Variants in SPEF2 observed in about 807,000 individuals in gnomAD.
SPEF2 encodes sperm flagellar and cilia associated 2.
In SPEF2, 187 loss-of-function variants were observed where a neutral mutation model predicts 224.6. That is an observed-to-expected ratio of 0.83 (90% CI 0.74 to 0.94). The LOEUF (loss-of-function observed/expected upper bound fraction) is 0.94. Among genes scored for constraint, SPEF2 ranks in the 40% least tolerant of loss-of-function variants. The probability of loss-of-function intolerance (pLI) is 0.00; values close to 1 mark genes in which losing one functional copy is unlikely to be tolerated. For synonymous variants in SPEF2, 715 were observed against 707.3 expected (o/e 1.01, Z -0.17); for missense variants, 2,170 against 2,135.6 (o/e 1.02, Z -0.32).
chr5:35,628,419 C>A, intron 1 of SPEF2, 41 bp from the exon 2 acceptor site: 1 of 1,344,362 alleles, frequency 7.4e-7, no homozygotes, highest in Non-Finnish European at 1.1e-6. Context: ...CTATGCGCAA[C>A]ATTGTATTCA....
Position 35,641,700 on chromosome 5 carries a change from G to T in SPEF2, c.414+17G>T, listed in dbSNP as rs773303166. On this transcript the variant is annotated intron_variant, in intron 3 of 36. Coordinates refer to ENST00000356031, the MANE Select transcript of SPEF2 (RefSeq NM_024867.4). ...TTTCAAGAGGTAGGTACATAAAAAA[G>T]CATAATAAGCATGTCACAGTGTAAA... 1.2e-6 allele frequency: 2 copies of T among 1,600,392 alleles called. No homozygotes were observed. Among genetic ancestry groups the T allele is most frequent in the South Asian group, 2.3e-5 (2 of 88,114 alleles).
chr5:35,755,144 G>A lies in SPEF2; in HGVS notation c.3468+1383G>A, dbSNP rs77981000. On this transcript the variant is annotated intron_variant, in intron 24 of 36. Coordinates refer to ENST00000356031, the MANE Select transcript of SPEF2 (RefSeq NM_024867.4). ...GGAATCTGGATTGTAAAGAGAAGAT[G>A]GAGTTAGAAAGATGTCATCCAAAGC... 1.7e-3 allele frequency among the ~76,000 whole-genome samples: 255 copies of A among 152,324 alleles called. 6 individuals are homozygous for A. The East Asian group carries it at 0.046, about 28-fold the overall frequency.
intron 23 of SPEF2, among the ~76,000 whole-genome samples, chr5:35,744,249 T>C (rs1305972902): frequency 2.6e-5 from 4 of 152,220 alleles, no homozygotes; most frequent in Non-Finnish European, 5.9e-5. Flanking sequence ...AATGATTTAG[T>C]CTGCATGATC....
In SPEF2 at chr5:35,761,758, T is replaced by C. The variant is rs552250319; in HGVS notation, c.3621-1764T>C. Among the ~76,000 whole-genome samples the C allele has an allele frequency of 2.0e-4, 30 of 151,860 alleles. 1 individual carries two copies. Among genetic ancestry groups the C allele is most frequent in the African/African-American group, 7.0e-4 (29 of 41,400 alleles). On this transcript the variant is annotated intron_variant, in intron 25 of 36. Coordinates refer to ENST00000356031, the MANE Select transcript of SPEF2 (RefSeq NM_024867.4). The stretch of plus-strand genomic sequence containing the variant: ...AGAGGCCAAATTTCAATGTCGAGAG[T>C]GGCAGTACATTCTGTTCTCAGCACA...
chr5:35,755,677 T>C (rs1750331925), intron 24 of SPEF2, among the ~76,000 whole-genome samples: 1 of 152,186 alleles, frequency 6.6e-6, no homozygotes, highest in African/African-American at 2.4e-5. Context: ...TGGTGCGATC[T>C]CACCTCACTG....
chr5:35,736,548 T>A (rs1746630727), intron 21 of SPEF2, among the ~76,000 whole-genome samples: 1 of 152,124 alleles, frequency 6.6e-6, no homozygotes, highest in Non-Finnish European at 1.5e-5. Context: ...ACATGAGAAC[T>A]AACTCACTAT....
intron 3 of SPEF2, among the ~76,000 whole-genome samples, chr5:35,642,280 A>G (rs1233492414): frequency 6.6e-6 from 1 of 152,090 alleles, no homozygotes; most frequent in Non-Finnish European, 1.5e-5. Flanking sequence ...ATGTTAATTG[A>G]CAGTCTGTCC....
At chr5:35,697,842 C>G (rs550275020) in intron 15 of SPEF2, 49 bp downstream of exon 15, 1 of 1,333,786 alleles carries the variant, frequency 7.5e-7, no homozygotes, top group Non-Finnish European at 1.1e-6. Flanking sequence ...TATTCTTTAT[C>G]ACACAAAGAT....
chr5:35,672,019 T>G (rs971909529), intron 10 of SPEF2, among the ~76,000 whole-genome samples: 9 of 151,836 alleles, frequency 5.9e-5, no homozygotes, highest in African/African-American at 2.2e-4. Context: ...TTCAAGAACT[T>G]GTCCTAAATG....
intron 17 of SPEF2, among the ~76,000 whole-genome samples, chr5:35,705,008 A>C (rs1739466044): frequency 6.6e-6 from 1 of 152,126 alleles, no homozygotes. Context: ...ATCGGAGTGT[A>C]AACTACTTCT....
At chr5:35,803,062 C>G (rs1015407695) in intron 34 of SPEF2, among the ~76,000 whole-genome samples, 56 of 152,190 alleles carry the variant, frequency 3.7e-4, no homozygotes, top group African/African-American at 1.3e-3. Flanking sequence ...TCTGAAGTAG[C>G]TGCCACATAG....
chr5:35,765,780 AT>A (rs1183166179), intron 26 of SPEF2, among the ~76,000 whole-genome samples: 2 of 152,114 alleles, frequency 1.3e-5, no homozygotes, highest in Non-Finnish European at 2.9e-5. Flanking sequence ...TTGGCTGCTG[AT>A]TTTTAAGGAA....
chr5:35,772,527 G>T (rs890107857), intron 27 of SPEF2, among the ~76,000 whole-genome samples: 2 of 152,098 alleles, frequency 1.3e-5, no homozygotes, highest in African/African-American at 4.8e-5. Flanking sequence ...TAAGAACAAG[G>T]TCTCCCTTCT....
intron 10 of SPEF2, among the ~76,000 whole-genome samples, chr5:35,689,957 T>A (rs1754209930): frequency 6.6e-6 from 1 of 152,152 alleles, no homozygotes. Flanking sequence ...CAATAAAGAG[T>A]ATCTGGATAG....
At chr5:35,727,898 C>A in intron 21 of SPEF2, 75 bp downstream of exon 21, 1 of 1,509,478 alleles carries the variant, frequency 6.6e-7, no homozygotes, top group Non-Finnish European at 8.9e-7. Flanking sequence ...CTGTCATTTG[C>A]AACATCCTGA....
rs3069747 is a variant in SPEF2 at position 35,664,698 on chromosome 5, AAGAG to A, written c.1168-2357_1168-2354del. 2.9e-3 allele frequency among the ~76,000 whole-genome samples: 402 copies of A among 138,990 alleles called. 2 individuals carry two copies. Among genetic ancestry groups the A allele is most frequent in the Middle Eastern group, 7.1e-3 (2 of 280 alleles). 91.2% of individuals were successfully genotyped at this position (138,990 alleles called of 152,430 possible). ...CATCTCGGGGGAAAGGAAGGGAAAG[AAGAG>A]AGAGAGAGAGAGAGAGGGAGGGAGA... On this transcript the variant is annotated intron_variant, in intron 8 of 36. Coordinates refer to ENST00000356031, the MANE Select transcript of SPEF2 (RefSeq NM_024867.4).
Position 35,697,795 on chromosome 5 carries a change from T to C in SPEF2, c.2141+2T>C, listed in dbSNP as rs1158752246. 2 of 1,595,956 alleles carry C rather than the reference T, an allele frequency of 1.3e-6. No individual in the cohort carries two copies. The highest frequency in any genetic ancestry group is 1.7e-6 in the Non-Finnish European group (2 of 1,165,780). On this transcript the variant is annotated splice_donor_variant, in intron 15 of 36. Coordinates refer to ENST00000356031, the MANE Select transcript of SPEF2 (RefSeq NM_024867.4). LOFTEE classifies it high-confidence loss of function. The stretch of plus-strand genomic sequence containing the variant: ...TGACATCATAGTAAATGCTATTAAG[T>C]ATGTATTGCATTTTTCTTCCTCTCA...
chr5:35,733,211 T>G (rs969785706), intron 21 of SPEF2, among the ~76,000 whole-genome samples: 4 of 152,014 alleles, frequency 2.6e-5, no homozygotes, highest in Non-Finnish European at 4.4e-5. Context: ...GCCTCCCAGG[T>G]TCATGCCATT....
intron 20 of SPEF2, among the ~76,000 whole-genome samples, chr5:35,714,748 A>G (rs1193303553): frequency 6.7e-6 from 1 of 149,774 alleles, no homozygotes; most frequent in East Asian, 2.0e-4. Flanking sequence ...CCTACTGCCC[A>G]AGTATCTTAC....
Sources: gnomAD v4.1 joint callset for allele counts (sites outside exome capture counted in the v4.1 genomes callset) on GRCh38, gnomAD v4.1.1 for gene constraint, MANE v1.5 for transcripts, NCBI Gene and HGNC (gene_info 2026-07-23, HGNC 2026-07-21) for gene names.